Variants in SAXO1 observed in about 807,000 individuals in gnomAD.
SAXO1 encodes the protein stabilizer of axonemal microtubules 1.
SAXO1 carries 21 observed loss-of-function variants against 17.5 expected under a neutral mutation model. The observed-to-expected ratio is 1.20, with a 90% CI of 0.85 to 1.72. The LOEUF (loss-of-function observed/expected upper bound fraction) is 1.72, where lower values mean the gene tolerates loss of function less well. SAXO1 is among the 40% of genes most tolerant of loss of function. The probability of loss-of-function intolerance (pLI) is 0.00; values close to 1 mark genes in which losing one functional copy is unlikely to be tolerated. For missense variants in SAXO1, 843 were observed against 596.0 expected (o/e 1.41, Z -4.32); for synonymous variants, 274 against 216.5 (o/e 1.27, Z -2.33).
intron 1 of SAXO1, among the ~76,000 whole-genome samples, chr9:18,974,774 G>A (rs1833070471): frequency 6.6e-6 from 1 of 152,150 alleles, no homozygotes; most frequent in Admixed American, 6.6e-5. Context: ...TAAATGTAGA[G>A]GAAATGATGA....
rs751574836 is a variant in SAXO1, at chr9:18,940,973, C to G, written c.421+664G>C. Among the ~76,000 whole-genome samples the G allele has an allele frequency of 3.5e-4, 53 of 152,246 alleles. 1 individual carries two copies. Among genetic ancestry groups the G allele is most frequent in the Non-Finnish European group, 4.7e-4 (32 of 68,014 alleles). On this transcript the variant is annotated intron_variant, in intron 3 of 3. Transcript: ENST00000380534. ...GTTATATTCTCATTGGGGAGGGTAA[C>G]AGAAATGGAGTAGTAATGTTTTATC...
At chr9:19,018,594 C>T (rs536257580) in intron 1 of SAXO1, among the ~76,000 whole-genome samples, 1 of 152,310 alleles carries the variant, frequency 6.6e-6, no homozygotes, top group South Asian at 2.1e-4. Context: ...CCCAGGCTAG[C>T]CCATAAAAGC....
chr9:18,958,846 A>G (rs1271618296), intron 1 of SAXO1, among the ~76,000 whole-genome samples: 1 of 132,462 alleles, frequency 7.5e-6, no homozygotes, highest in Admixed American at 8.3e-5. Context: ...CCATAAAAAT[A>G]TGAATGAAGT....
chr9:19,048,293 C>T (rs1465822827), intron 1 of SAXO1, among the ~76,000 whole-genome samples: 1 of 152,092 alleles, frequency 6.6e-6, no homozygotes, highest in Non-Finnish European at 1.5e-5. Context: ...CCCGTCTCCA[C>T]TAAAAATACA....
Position 19,027,740 on chromosome 9 carries a change from G to A in SAXO1, c.38+5131C>T, listed in dbSNP as rs549601302. ...GCACTTTGACAGCGAGAAGTCCGGGGACCGAGAGGTGCAGAGGACGATGCT... is the reference window on the plus strand; with the variant it reads ...GCACTTTGACAGCGAGAAGTCCGGGAACCGAGAGGTGCAGAGGACGATGCT... On this transcript the variant is annotated intron_variant, in intron 1 of 3. Transcript: ENST00000380534. The A allele has an allele frequency of 4.0e-5, 58 of 1,461,672 alleles. No homozygotes were observed. The East Asian group carries it at 7.3e-4, about 18-fold the overall frequency. 90.5% of individuals were successfully genotyped at this position (1,461,672 alleles called of 1,614,324 possible).
chr9:19,016,798 C>CTTTTT, intron 1 of SAXO1, among the ~76,000 whole-genome samples: 1 of 111,286 alleles, frequency 9.0e-6, no homozygotes, highest in Non-Finnish European at 1.8e-5. Context: ...TAACATCTGA[C>CTTTTT]TTTTTTTTTT....
At position 18,930,324 on chromosome 9, in the gene SAXO1, G is replaced by A. The variant is rs932217821; in HGVS notation, c.422-1269C>T. Reference sequence around the variant, plus strand: ...GGCCTGGACCCCAAGGAAATCTGCAGTAGAGATGGCCTCCATGCATCTTGA... The same window carrying A: ...GGCCTGGACCCCAAGGAAATCTGCAATAGAGATGGCCTCCATGCATCTTGA... On this transcript the variant is annotated intron_variant, in intron 3 of 3. Coordinates refer to ENST00000380534, the MANE Select transcript of SAXO1 (RefSeq NM_153707.4). 5.9e-5 allele frequency among the ~76,000 whole-genome samples: 9 copies of A among 152,298 alleles called. 1 individual carries two copies. Among genetic ancestry groups the A allele is most frequent in the Admixed American group, 3.9e-4 (6 of 15,308 alleles).
upstream of SAXO1, among the ~76,000 whole-genome samples, chr9:19,038,100 G>A (rs890543987): frequency 6.6e-6 from 1 of 152,184 alleles, no homozygotes; most frequent in Non-Finnish European, 1.5e-5. Flanking sequence ...TAAAAAGTCA[G>A]GAAACAACAG....
intron 1 of SAXO1, among the ~76,000 whole-genome samples, chr9:19,044,165 G>T (rs1836147494): frequency 1.3e-5 from 2 of 151,684 alleles, no homozygotes; most frequent in African/African-American, 4.8e-5. Flanking sequence ...TGGATTGTTT[G>T]CAACACAAAG....
At chr9:18,962,066 G>C (rs1310511001) in intron 1 of SAXO1, among the ~76,000 whole-genome samples, 1 of 151,768 alleles carries the variant, frequency 6.6e-6, no homozygotes, top group African/African-American at 2.4e-5. Context: ...GGTTTTTTTA[G>C]TTTTTCTTTT....
chr9:19,001,055 T>C (rs1834245598), intron 1 of SAXO1, among the ~76,000 whole-genome samples: 1 of 152,166 alleles, frequency 6.6e-6, no homozygotes. Flanking sequence ...AACAAGGATA[T>C]CTGGGACTTG....
At chr9:18,932,750 C>T (rs1056689280) in intron 3 of SAXO1, among the ~76,000 whole-genome samples, 2 of 152,130 alleles carry the variant, frequency 1.3e-5, no homozygotes, top group Non-Finnish European at 2.9e-5. Context: ...CTTACACTTG[C>T]TTTTTTAAAA....
intron 1 of SAXO1, among the ~76,000 whole-genome samples, chr9:18,968,566 G>A (rs943239611): frequency 4.0e-5 from 6 of 150,726 alleles, no homozygotes; most frequent in Non-Finnish European, 5.9e-5. Flanking sequence ...GATAGATAGT[G>A]GCATCATGGT....
At chr9:19,004,607 A>G (rs1416000726) in intron 1 of SAXO1, among the ~76,000 whole-genome samples, 1 of 152,238 alleles carries the variant, frequency 6.6e-6, no homozygotes, top group Non-Finnish European at 1.5e-5. Flanking sequence ...TTAGCAAACT[A>G]TCACAAGGAC....
intron 1 of SAXO1, among the ~76,000 whole-genome samples, chr9:18,958,762 A>C (rs573098210): frequency 6.6e-6 from 1 of 152,248 alleles, no homozygotes; most frequent in South Asian, 2.1e-4. Flanking sequence ...ATTCTGAAGG[A>C]AATGTCTCCA....
At chr9:18,980,035 G>A (rs368075702) in intron 1 of SAXO1, among the ~76,000 whole-genome samples, 3 of 151,892 alleles carry the variant, frequency 2.0e-5, no homozygotes, top group African/African-American at 7.3e-5. Flanking sequence ...TTTCTGAAAC[G>A]GGGTGTTTAG....
intron 1 of SAXO1, among the ~76,000 whole-genome samples, chr9:19,028,291 G>A (rs888989389): frequency 2.0e-5 from 3 of 152,128 alleles, no homozygotes; most frequent in Non-Finnish European, 2.9e-5. Flanking sequence ...CAGGAGAATC[G>A]CTTGAGCCCG....
chr9:19,021,694 G>T (rs1835239689), intron 1 of SAXO1, among the ~76,000 whole-genome samples: 1 of 152,246 alleles, frequency 6.6e-6, no homozygotes. Context: ...AGCCAGCTGA[G>T]CTTCTGGGTC....
intron 3 of SAXO1, among the ~76,000 whole-genome samples, chr9:18,939,384 GACAA>G (rs1326473568): frequency 6.6e-6 from 1 of 152,216 alleles, no homozygotes; most frequent in Non-Finnish European, 1.5e-5. Flanking sequence ...GAAAGAAAAA[GACAA>G]ACAGATCCCT....
Sources: allele counts gnomAD v4.1 joint callset (sites outside exome capture counted in the v4.1 genomes callset), GRCh38; gene constraint gnomAD v4.1.1; transcripts MANE v1.5; gene names NCBI Gene and HGNC (gene_info 2026-07-23, HGNC 2026-07-21).